The following PTPRD variants were observed in gnomAD, a reference collection of about 807,000 sequenced individuals.
The protein encoded by PTPRD is receptor-type tyrosine-protein phosphatase delta.
A neutral mutation model predicts 214.5 loss-of-function variants in PTPRD; 34 were observed. The ratio of observed to expected loss-of-function variants is 0.16; its 90% CI spans 0.12 to 0.21. The LOEUF (loss-of-function observed/expected upper bound fraction) is 0.21, where lower values mean the gene tolerates loss of function less well. Among genes scored for constraint, PTPRD ranks in the 10% least tolerant of loss-of-function variants. The pLI, the probability that PTPRD is intolerant of heterozygous loss-of-function variation, is 1.00. For missense variants in PTPRD, 2,545 were observed against 2,398.7 expected (o/e 1.06, Z -1.27); for synonymous variants, 1,128 against 845.7 (o/e 1.33, Z -5.79).
intron 7 of PTPRD, among the ~76,000 whole-genome samples, chr9:9,705,724 A>T (rs2097586928): frequency 6.6e-6 from 1 of 152,204 alleles, no homozygotes; most frequent in South Asian, 2.1e-4. Context: ...GTTTTGTCAT[A>T]CTAATGTACA....
chr9:10,229,536 G>A (rs1168668931), intron 3 of PTPRD, among the ~76,000 whole-genome samples: 1 of 152,022 alleles, frequency 6.6e-6, no homozygotes, highest in East Asian at 1.9e-4. Context: ...AAAATGATGA[G>A]TTCATGTCCT....
At chr9:9,839,317 C>T (rs1354901833) in intron 5 of PTPRD, among the ~76,000 whole-genome samples, 5 of 151,980 alleles carry the variant, frequency 3.3e-5, no homozygotes, top group African/African-American at 4.8e-5. Flanking sequence ...TGTCTCAGCC[C>T]AAAATCTCCT....
At chr9:9,054,917 TC>T (rs2154396997) in intron 10 of PTPRD, among the ~76,000 whole-genome samples, 1 of 152,186 alleles carries the variant, frequency 6.6e-6, no homozygotes, top group East Asian at 1.9e-4. Context: ...AGAGAGCTAA[TC>T]CCCAACCTGA....
intron 7 of PTPRD, among the ~76,000 whole-genome samples, chr9:9,643,718 T>A (rs190509983): frequency 2.6e-5 from 4 of 152,332 alleles, no homozygotes; most frequent in Admixed American, 2.0e-4. Flanking sequence ...ATGATATCGC[T>A]GGATCACTGC....
chr9:10,030,084 T>A (rs2097026494), intron 4 of PTPRD, among the ~76,000 whole-genome samples: 1 of 152,190 alleles, frequency 6.6e-6, no homozygotes, highest in Non-Finnish European at 1.5e-5. Context: ...CCTTTCACCT[T>A]CCGCCATGAT....
At chr9:10,546,368 C>A (rs2130876512) in intron 2 of PTPRD, among the ~76,000 whole-genome samples, 1 of 151,856 alleles carries the variant, frequency 6.6e-6, no homozygotes, top group Non-Finnish European at 1.5e-5. Flanking sequence ...ATTTTCTATG[C>A]AAAAGAGAGA....
At chr9:10,408,770 A>T (rs2098403693) in intron 2 of PTPRD, among the ~76,000 whole-genome samples, 1 of 151,650 alleles carries the variant, frequency 6.6e-6, no homozygotes, top group Non-Finnish European at 1.5e-5. Flanking sequence ...AGTCTTTCTA[A>T]GACTCAGTTG....
chr9:8,508,605 T>C (rs1194650888), intron 21 of PTPRD, among the ~76,000 whole-genome samples: 3 of 152,128 alleles, frequency 2.0e-5, no homozygotes, highest in Non-Finnish European at 2.9e-5. Context: ...TAATACTTCA[T>C]AGCAGAGGAG....
intron 3 of PTPRD, among the ~76,000 whole-genome samples, chr9:10,170,736 C>T (rs1564295343): frequency 6.6e-6 from 1 of 152,158 alleles, no homozygotes; most frequent in African/African-American, 2.4e-5. Flanking sequence ...TAGTCACAAC[C>T]TGTATTATTC....
chr9:9,131,779 T>G (rs1034256868), intron 10 of PTPRD, among the ~76,000 whole-genome samples: 3 of 152,210 alleles, frequency 2.0e-5, no homozygotes, highest in Admixed American at 2.0e-4. Flanking sequence ...GTGACTTAAT[T>G]ATGAGAGTTC....
At chr9:10,287,317 C>G (rs2095390026) in intron 3 of PTPRD, among the ~76,000 whole-genome samples, 2 of 152,080 alleles carry the variant, frequency 1.3e-5, no homozygotes, top group Admixed American at 1.3e-4. Context: ...TGAGTAGGGC[C>G]AAACCGGCTT....
chr9:8,531,270 T>C lies in PTPRD; in HGVS notation c.353-2491A>G, dbSNP rs1592923817. 1.3e-5 allele frequency among the ~76,000 whole-genome samples: 2 copies of C among 152,226 alleles called. 1 individual carries two copies. Among genetic ancestry groups the C allele is most frequent in the Middle Eastern group, 6.8e-3 (2 of 294 alleles). ...TAAAAGTGGGATGCAAATTAGGCTA[T>C]GCTGGTTTTAATAATCTATTCCACA... On this transcript the variant is annotated intron_variant, in intron 14 of 45. Transcript: ENST00000381196.
intron 14 of PTPRD, among the ~76,000 whole-genome samples, chr9:8,533,975 C>T (rs1425063248): frequency 6.6e-6 from 1 of 151,938 alleles, no homozygotes; most frequent in Non-Finnish European, 1.5e-5. Flanking sequence ...TATTAAGAGG[C>T]AAAGCTATCT....
intron 8 of PTPRD, among the ~76,000 whole-genome samples, chr9:9,403,264 C>G (rs12375667): frequency 8.8e-6 from 1 of 114,136 alleles, no homozygotes; most frequent in African/African-American, 3.5e-5. Context: ...ATACTCCAGT[C>G]TAGGCGACAG....
chr9:10,085,500 T>C (rs571063254), intron 3 of PTPRD, among the ~76,000 whole-genome samples: 1 of 151,986 alleles, frequency 6.6e-6, no homozygotes, highest in African/African-American at 2.4e-5. Flanking sequence ...CATCTTTTTG[T>C]GTTGAGAAAT....
At chr9:9,193,356 G>GCAAATA (rs1189118597) in intron 9 of PTPRD, among the ~76,000 whole-genome samples, 1 of 152,060 alleles carries the variant, frequency 6.6e-6, no homozygotes, top group Non-Finnish European at 1.5e-5. Context: ...TTTTAAGGGG[G>GCAAATA]CAAATACAAC....
chr9:10,504,115 C>CAACAAAAAAAAAAAAAAAAAAAAAAA (rs1555439817), intron 2 of PTPRD, among the ~76,000 whole-genome samples: 1 of 26,970 alleles, frequency 3.7e-5, no homozygotes, highest in African/African-American at 1.8e-4. Flanking sequence ...GACTCTGTCT[C>CAACAAAAAAAAAAAAAAAAAAAAAAA]AAAAAAAAAA....
chr9:9,748,678 G>C (rs534241161), intron 6 of PTPRD, among the ~76,000 whole-genome samples: 1 of 152,300 alleles, frequency 6.6e-6, no homozygotes, highest in South Asian at 2.1e-4. Flanking sequence ...GCAGTTAGCT[G>C]TCTGGCTGAG....
chr9:9,944,919 T>C (rs950368973), intron 4 of PTPRD, among the ~76,000 whole-genome samples: 1 of 151,754 alleles, frequency 6.6e-6, no homozygotes, highest in Non-Finnish European at 1.5e-5. Context: ...GAAGTTAAAA[T>C]GAGAAGCAGA....
Sources: gnomAD v4.1 joint callset for allele counts (sites outside exome capture counted in the v4.1 genomes callset) on GRCh38, gnomAD v4.1.1 for gene constraint, MANE v1.5 for transcripts, NCBI Gene and HGNC (gene_info 2026-07-23, HGNC 2026-07-21) for gene names.